BMERB1: variants seen among roughly 807,000 people sequenced by gnomAD.
The protein encoded by BMERB1 is bMERB domain containing 1.
BMERB1 carries 12 observed loss-of-function variants against 23.6 expected under a neutral mutation model. The observed-to-expected ratio is 0.51, with a 90% CI of 0.33 to 0.82. The LOEUF is 0.82. Among genes scored for constraint, BMERB1 ranks in the 40% least tolerant of loss-of-function variants. The pLI is 0.03. For synonymous variants in BMERB1, 122 were observed against 96.6 expected, an observed-to-expected ratio of 1.26 and a Z score of -1.54; for missense variants, 247 against 255.4, an observed-to-expected ratio of 0.97 and a Z score of 0.22.
chr16:15,540,918 A>T (rs1320527350), intron 2 of BMERB1, among the ~76,000 whole-genome samples: 1 of 152,084 alleles, frequency 6.6e-6, no homozygotes, highest in Non-Finnish European at 1.5e-5. Flanking sequence ...TGATTCTTGG[A>T]TGCCAACTGG....
At chr16:15,468,884 T>G (rs2051206046) in intron 1 of BMERB1, among the ~76,000 whole-genome samples, 1 of 152,072 alleles carries the variant, frequency 6.6e-6, no homozygotes, top group African/African-American at 2.4e-5. Context: ...TAGAGATTTA[T>G]TTTTTTGGCC....
chr16:15,455,366 A>C (rs1421548956), intron 1 of BMERB1, among the ~76,000 whole-genome samples: 3 of 151,524 alleles, frequency 2.0e-5, no homozygotes, highest in Non-Finnish European at 4.4e-5. Flanking sequence ...CATACCCAAC[A>C]GTGTGTTGGG....
rs139885448 is a variant in BMERB1, at chr16:15,504,144, G to A, written c.107-11161G>A. Among the ~76,000 whole-genome samples, 347 of 152,308 alleles carry A rather than the reference G, an allele frequency of 2.3e-3. 18 individuals are homozygous for A. The South Asian group carries it at 0.036, about 16-fold the overall frequency. ...AGAGTCACTGATGCATGGCTCAAGC[G>A]TGAGAGCTGGACTCTGAAACCCAAA... On this transcript the variant is annotated intron_variant, in intron 1 of 5. Coordinates refer to ENST00000300006, the MANE Select transcript of BMERB1 (RefSeq NM_033201.3).
intron 1 of BMERB1, among the ~76,000 whole-genome samples, chr16:15,463,874 T>TAA (rs1398086107): frequency 1.5e-4 from 19 of 127,308 alleles, no homozygotes; most frequent in African/African-American, 4.4e-4. Context: ...TGTGTATGCT[T>TAA]TAAAAAAAAA....
intron 1 of BMERB1, among the ~76,000 whole-genome samples, chr16:15,473,520 C>T (rs1400344982): frequency 3.3e-5 from 5 of 149,800 alleles, no homozygotes; most frequent in Non-Finnish European, 7.4e-5. Flanking sequence ...CTCGAATGCC[C>T]GACCTCAGGT....
chr16:15,587,608 G>C lies in BMERB1; in HGVS notation c.*779G>C. The C allele has an allele frequency of 2.3e-6, 1 of 438,046 alleles. No homozygotes were observed. Among genetic ancestry groups the C allele is most frequent in the South Asian group, 1.6e-5 (1 of 62,880 alleles). 27.1% of individuals were successfully genotyped at this position (438,046 alleles called of 1,614,324 possible). A position where few individuals can be genotyped will look rare whatever the true frequency, so the allele number is the denominator to read the frequency against. The stretch of plus-strand genomic sequence containing the variant: ...TCAAGGCCAGAGCAGTTGAGAATGG[G>C]ACCCAGAGTAGATGCTGACCTGGGC... On this transcript the variant is annotated 3_prime_UTR_variant, in exon 6 of 6. Transcript: ENST00000300006.
chr16:15,483,994 GAATCTTAC>G (rs2051346814), intron 1 of BMERB1, among the ~76,000 whole-genome samples: 2 of 152,188 alleles, frequency 1.3e-5, no homozygotes, highest in Admixed American at 1.3e-4. Context: ...AGGGGCCCAA[GAATCTTAC>G]AATCACTGTG....
chr16:15,584,726 T>C (rs1181306810), intron 5 of BMERB1, among the ~76,000 whole-genome samples: 1 of 152,192 alleles, frequency 6.6e-6, no homozygotes, highest in Non-Finnish European at 1.5e-5. Flanking sequence ...TCTCTTTGCA[T>C]GTAAGCATCA....
chr16:15,451,553 T>TC (rs1491308678), intron 1 of BMERB1, among the ~76,000 whole-genome samples: 8 of 86,106 alleles, frequency 9.3e-5, no homozygotes, highest in African/African-American at 3.4e-4. Flanking sequence ...TTAGTATTTC[T>TC]TTTTTTTTTT....
intron 1 of BMERB1, among the ~76,000 whole-genome samples, chr16:15,438,738 A>G (rs7501377): frequency 0.99 from 150,577 of 152,346 alleles, 74,443 homozygotes; most frequent in Middle Eastern, 1. Flanking sequence ...GTGATTACAG[A>G]TGTGAGCTAC....
At chr16:15,435,256 C>T (rs1324714721) in intron 1 of BMERB1, among the ~76,000 whole-genome samples, 1 of 152,180 alleles carries the variant, frequency 6.6e-6, no homozygotes, top group African/African-American at 2.4e-5. Context: ...CTTTTCCTCC[C>T]TCGCCTTCCT....
At chr16:15,567,961 T>G (rs561509949) in intron 2 of BMERB1, 22 bp from the exon 3 acceptor site, 2 of 1,606,630 alleles carry the variant, frequency 1.2e-6, no homozygotes, top group East Asian at 4.5e-5. Context: ...AACCTGCTGT[T>G]GATGGTGTCC....
chr16:15,512,462 T>A (rs563942596), intron 1 of BMERB1, among the ~76,000 whole-genome samples: 1 of 152,300 alleles, frequency 6.6e-6, no homozygotes, highest in South Asian at 2.1e-4. Flanking sequence ...CAACTTTCTC[T>A]GGGCACAGTG....
At chr16:15,525,780 G>A (rs980492577) in intron 2 of BMERB1, among the ~76,000 whole-genome samples, 4 of 151,940 alleles carry the variant, frequency 2.6e-5, no homozygotes, top group African/African-American at 9.7e-5. Context: ...TATTGGTTCT[G>A]TTTCTCTGGA....
chr16:15,557,428 A>G (rs1157835176), intron 2 of BMERB1, among the ~76,000 whole-genome samples: 1 of 152,164 alleles, frequency 6.6e-6, no homozygotes, highest in African/African-American at 2.4e-5. Flanking sequence ...TGCATGAACT[A>G]TTCACATGTC....
At chr16:15,472,063 A>G (rs1356145965) in intron 1 of BMERB1, among the ~76,000 whole-genome samples, 1 of 152,022 alleles carries the variant, frequency 6.6e-6, no homozygotes, top group Non-Finnish European at 1.5e-5. Flanking sequence ...GTGTCAGGAG[A>G]TTTTCTGTTA....
rs1210678362 is a variant in BMERB1 at position 15,586,745 on chromosome 16, C to A, written c.531C>A (p.Pro177=). The A allele has an allele frequency of 2.5e-6, 4 of 1,611,818 alleles. No homozygotes were observed. Among genetic ancestry groups the A allele is most frequent in the Non-Finnish European group, 3.4e-6 (4 of 1,179,370 alleles). Residue 177 remains proline, a synonymous_variant, in exon 6 of 6, where the codon CCC becomes CCA. Transcript: ENST00000300006. The part of the protein sequence containing the change: ...ASSRAEKKAE[P]PPSKPTVAKT... ...CCCGGGCAGAGAAGAAAGCAGAGCC[C>A]CCACCTAGCAAGCCCACGGTGGCCA...
intron 2 of BMERB1, among the ~76,000 whole-genome samples, chr16:15,519,074 TACACACACACAC>T (rs145892599): frequency 5.7e-5 from 8 of 140,510 alleles, no homozygotes; most frequent in Non-Finnish European, 9.1e-5. Context: ...ACAATCCTCT[TACACACACACAC>T]ACACACACAC....
At chr16:15,437,975 T>C (rs2050903264) in intron 1 of BMERB1, among the ~76,000 whole-genome samples, 1 of 151,246 alleles carries the variant, frequency 6.6e-6, no homozygotes, top group African/African-American at 2.4e-5. Context: ...AAGAGTCTGG[T>C]ATAAAGTCCT....
Sources: allele counts gnomAD v4.1 joint callset (sites outside exome capture counted in the v4.1 genomes callset), GRCh38; gene constraint gnomAD v4.1.1; transcripts MANE v1.5; gene names NCBI Gene and HGNC (gene_info 2026-07-23, HGNC 2026-07-21).